The following NEDD9 variants were observed in gnomAD, a reference collection of about 807,000 sequenced individuals.
NEDD9 encodes the protein neural precursor cell expressed, developmentally down-regulated 9.
A neutral mutation model predicts 76.6 loss-of-function variants in NEDD9; 26 were observed. The observed-to-expected ratio is 0.34, with a 90% CI of 0.25 to 0.47. The LOEUF (loss-of-function observed/expected upper bound fraction) is 0.47. NEDD9 is among the 20% of genes least tolerant of loss of function. NEDD9 has a pLI of 1.00. For missense variants in NEDD9, 937 were observed against 1,058.5 expected (o/e 0.89, Z 1.59); for synonymous variants, 392 against 414.2 (o/e 0.95, Z 0.65).
chr6:11,229,350 G>A (rs2113258001), intron 1 of NEDD9, among the ~76,000 whole-genome samples: 1 of 152,350 alleles, frequency 6.6e-6, no homozygotes, highest in Non-Finnish European at 1.5e-5. Context: ...TTAGCAGCCA[G>A]GCCAAGGGGC....
chr6:11,360,362 T>A (rs1489630126), intron 1 of NEDD9, among the ~76,000 whole-genome samples: 2 of 152,164 alleles, frequency 1.3e-5, no homozygotes, highest in Admixed American at 1.3e-4. Context: ...GAGCAGAAAG[T>A]GAATAACCCA....
intron 3 of NEDD9, among the ~76,000 whole-genome samples, chr6:11,250,657 G>T (rs868256682): frequency 3.3e-5 from 5 of 152,192 alleles, no homozygotes; most frequent in African/African-American, 7.2e-5. Context: ...GCTGAGTCCA[G>T]ACCTGGCTTT....
chr6:11,348,954 C>T lies in NEDD9; in HGVS notation c.-213-14393G>A, dbSNP rs1762412720. Among the ~76,000 whole-genome samples, 4 of 152,104 alleles carry T rather than the reference C, an allele frequency of 2.6e-5. No individual in the cohort carries two copies. The South Asian group carries it at 8.3e-4, about 32-fold the overall frequency. On this transcript the variant is annotated intron_variant, in intron 1 of 3. Coordinates refer to the NEDD9 transcript ENST00000397378. ...CTAATTAAACTAATGAGCTTCTGCA[C>T]AGCAAAAGAAACTATCACCATAGGG...
intron 1 of NEDD9, among the ~76,000 whole-genome samples, chr6:11,219,042 A>T (rs1340082519): frequency 6.6e-6 from 1 of 152,168 alleles, no homozygotes; most frequent in Non-Finnish European, 1.5e-5. Context: ...CCATTCAAAC[A>T]CTTTGCCAGA....
intron 1 of NEDD9, among the ~76,000 whole-genome samples, chr6:11,350,867 C>CG (rs1396438018): frequency 6.6e-6 from 1 of 152,072 alleles, no homozygotes; most frequent in Non-Finnish European, 1.5e-5. Flanking sequence ...CAACCAGGGT[C>CG]GGGGGGTGGT....
intron 3 of NEDD9, among the ~76,000 whole-genome samples, chr6:11,248,359 C>T (rs948847075): frequency 6.6e-6 from 1 of 152,168 alleles, no homozygotes; most frequent in Non-Finnish European, 1.5e-5. Context: ...GAACCTGATG[C>T]TCAGGGAGTG....
At chr6:11,318,721 A>G (rs560190319) in intron 2 of NEDD9, among the ~76,000 whole-genome samples, 11 of 152,204 alleles carry the variant, frequency 7.2e-5, no homozygotes, top group Non-Finnish European at 1.2e-4. Context: ...TCACTCTTCT[A>G]AAATGACATT....
intron 2 of NEDD9, among the ~76,000 whole-genome samples, chr6:11,313,311 A>G (rs1761432895): frequency 6.6e-6 from 1 of 151,566 alleles, no homozygotes; most frequent in Non-Finnish European, 1.5e-5. Flanking sequence ...GGATGGGTGG[A>G]TTAATGAACG....
At chr6:11,263,118 C>T (rs567119179) in intron 3 of NEDD9, among the ~76,000 whole-genome samples, 2 of 152,280 alleles carry the variant, frequency 1.3e-5, no homozygotes, top group South Asian at 4.1e-4. Flanking sequence ...TATTTCAAAG[C>T]TATTAAATAT....
intron 3 of NEDD9, among the ~76,000 whole-genome samples, chr6:11,274,195 G>T (rs1437477040): frequency 6.6e-6 from 1 of 152,204 alleles, no homozygotes; most frequent in African/African-American, 2.4e-5. Flanking sequence ...AAGTTTTACG[G>T]AAGTAATAAT....
chr6:11,312,709 T>A (rs888914614), intron 2 of NEDD9, among the ~76,000 whole-genome samples: 5 of 147,850 alleles, frequency 3.4e-5, no homozygotes, highest in Non-Finnish European at 7.5e-5. Flanking sequence ...TATATATATA[T>A]ATTTTTAAAG....
chr6:11,356,062 A>C (rs1762570375), intron 1 of NEDD9, among the ~76,000 whole-genome samples: 2 of 152,164 alleles, frequency 1.3e-5, no homozygotes, highest in African/African-American at 4.8e-5. Flanking sequence ...CAGCCACTGC[A>C]GAAAGGAAAG....
Position 11,214,227 on chromosome 6 carries a change from G to A in NEDD9, c.13-500C>T, listed in dbSNP as rs1309109271. On this transcript the variant is annotated intron_variant, in intron 1 of 6. Transcript: ENST00000379446. Reference sequence around the variant, plus strand: ...ATTTGGAGTTGAAAAGCCAATAGAAGTACACATATATATGCCTTGGCAGGG... The same window carrying A: ...ATTTGGAGTTGAAAAGCCAATAGAAATACACATATATATGCCTTGGCAGGG... The A allele has an allele frequency of 5.8e-6, 3 of 517,942 alleles. No individual in the cohort carries two copies. In the East Asian group the frequency reaches 1.6e-4, roughly 28 times the overall value. The allele number at this position is 517,942 out of a possible 1,614,324, so 32.1% of individuals were successfully genotyped here. A position where few individuals can be genotyped will look rare whatever the true frequency, so the allele number is the denominator to read the frequency against.
At chr6:11,287,165 G>A (rs1012665225) in intron 3 of NEDD9, among the ~76,000 whole-genome samples, 6 of 152,324 alleles carry the variant, frequency 3.9e-5, no homozygotes, top group African/African-American at 9.6e-5. Flanking sequence ...GGTGGCTCAC[G>A]CTTTTAGTCT....
chr6:11,320,497 C>A (rs1195784675), intron 2 of NEDD9, among the ~76,000 whole-genome samples: 3 of 152,334 alleles, frequency 2.0e-5, no homozygotes, highest in Non-Finnish European at 4.4e-5. Flanking sequence ...TCTATCCAGA[C>A]TGCAGGTGCA....
intron 3 of NEDD9, among the ~76,000 whole-genome samples, chr6:11,249,822 C>G (rs1399283811): frequency 6.6e-6 from 1 of 152,246 alleles, no homozygotes; most frequent in East Asian, 1.9e-4. Context: ...GCATTTCCCT[C>G]TTCCTGCCCA....
At chr6:11,380,229 G>A (rs1453918968) in intron 1 of NEDD9, among the ~76,000 whole-genome samples, 1 of 152,246 alleles carries the variant, frequency 6.6e-6, no homozygotes, top group South Asian at 2.1e-4. Context: ...ACAGTAGTAG[G>A]TGGCCGGTGG....
rs1489173268 is a variant in NEDD9 at position 11,190,929 on chromosome 6, T to TCTGAGAGCCCACTGACTGTC, written c.920_939dup (p.Asn314AspfsTer121). ...CCTCGGGGGACATCATATGCGTCGT[T>TCTGAGAGCCCACTGACTGTC]CTGAGAGCCCACTGACTGTCCGAGT... On this transcript the variant is annotated frameshift_variant, in exon 5 of 7. Coordinates refer to ENST00000379446, the MANE Select transcript of NEDD9 (RefSeq NM_006403.4). LOFTEE classifies it high-confidence loss of function. The surrounding 1 kb of genome is among the most constrained non-coding windows in gnomAD (Gnocchi z 5.8). The TCTGAGAGCCCACTGACTGTC allele has an allele frequency of 6.2e-7, 1 of 1,614,040 alleles. No homozygotes were observed.
intron 1 of NEDD9, among the ~76,000 whole-genome samples, chr6:11,355,167 T>C (rs1225759775): frequency 6.6e-6 from 1 of 152,118 alleles, no homozygotes; most frequent in African/African-American, 2.4e-5. Flanking sequence ...TGAAGTCAGA[T>C]AGAGGAGACA....
Sources: allele counts gnomAD v4.1 joint callset (sites outside exome capture counted in the v4.1 genomes callset), GRCh38; gene constraint gnomAD v4.1.1; non-coding constraint Gnocchi (gnomAD v3.1); transcripts MANE v1.5; gene names NCBI Gene and HGNC (gene_info 2026-07-23, HGNC 2026-07-21).